Variants in CHST8 observed in about 807,000 individuals in gnomAD.
CHST8 encodes carbohydrate sulfotransferase 8, also known as GALNAC-4-ST1.
In CHST8, 10 loss-of-function variants were observed where a neutral mutation model predicts 15.0. The observed-to-expected ratio is 0.67, with a 90% CI of 0.41 to 1.13. CHST8 has a LOEUF of 1.13. Ranked by LOEUF, CHST8 falls within the 50% of genes most tolerant of loss-of-function variation. The pLI is 0.00. For synonymous variants in CHST8, 259 were observed against 256.6 expected, an observed-to-expected ratio of 1.01 and a Z score of -0.09; for missense variants, 634 against 608.2, an observed-to-expected ratio of 1.04 and a Z score of -0.45.
chr19:33,728,445 G>T (rs1437868601), intron 3 of CHST8, among the ~76,000 whole-genome samples: 1 of 152,240 alleles, frequency 6.6e-6, no homozygotes, highest in African/African-American at 2.4e-5. Context: ...GTCTTTCAGG[G>T]TTGCTGCCAG....
Position 33,643,368 on chromosome 19 carries a change from A to T in CHST8, c.-164+21072A>T, listed in dbSNP as rs111466581. Among the ~76,000 whole-genome samples the T allele has an allele frequency of 8.8e-3, 1,334 of 151,110 alleles. 28 individuals are homozygous for T. The highest frequency in any genetic ancestry group is 0.031 in the African/African-American group (1,270 of 40,646). The stretch of plus-strand genomic sequence containing the variant: ...CATAGCTTAAGAAGGCATAAATAAT[A>T]AAAAAAAGGCTTTTAACAAATCTAC... On this transcript the variant is annotated intron_variant, in intron 1 of 4. Transcript: ENST00000650847.
At chr19:33,676,173 T>G (rs1282725352) in intron 2 of CHST8, among the ~76,000 whole-genome samples, 1 of 152,212 alleles carries the variant, frequency 6.6e-6, no homozygotes, top group African/African-American at 2.4e-5. Context: ...GTGCATTGCT[T>G]GCCAATTTCA....
At position 33,765,053 on chromosome 19, in the gene CHST8, C is replaced by CATATATATATATATATATATATATATAT. The variant is rs72103213; in HGVS notation, c.131-6340_131-6339insATATATATATATATATATATATATATAT. ...TTTTTATGGCTAAGTACTATTCCAT[C>CATATATATATATATATATATATATATAT]ATATATATATATATATATATCAGAG... On this transcript the variant is annotated intron_variant, in intron 3 of 4. Transcript: ENST00000650847. Among the ~76,000 whole-genome samples, 223 of 87,418 alleles carry CATATATATATATATATATATATATATAT rather than the reference C, an allele frequency of 2.6e-3. 7 individuals carry two copies. Among genetic ancestry groups the CATATATATATATATATATATATATATAT allele is most frequent in the African/African-American group, 4.7e-3 (78 of 16,566 alleles). 57.3% of individuals were successfully genotyped at this position (87,418 alleles called of 152,430 possible). A position where few individuals can be genotyped will look rare whatever the true frequency, so the allele number is the denominator to read the frequency against.
intron 1 of CHST8, among the ~76,000 whole-genome samples, chr19:33,626,108 C>T (rs1316776479): frequency 1.3e-5 from 2 of 152,122 alleles, no homozygotes; most frequent in Admixed American, 6.5e-5. Flanking sequence ...GCTCAGGTGC[C>T]AGAGGATGCG....
At chr19:33,674,500 C>T (rs995051496) in intron 2 of CHST8, among the ~76,000 whole-genome samples, 6 of 152,232 alleles carry the variant, frequency 3.9e-5, no homozygotes, top group Non-Finnish European at 7.3e-5. Flanking sequence ...TGCAGCGCAG[C>T]ACTTCTCCTC....
chr19:33,626,561 G>T (rs561893573), intron 1 of CHST8, among the ~76,000 whole-genome samples: 2 of 152,294 alleles, frequency 1.3e-5, no homozygotes, highest in South Asian at 4.1e-4. Context: ...ATGCTATTGT[G>T]AGGCAGGGAG....
intron 1 of CHST8, 53 bp downstream of exon 1, chr19:33,622,349 G>C (rs1354343388): frequency 6.6e-6 from 1 of 152,138 alleles, no homozygotes; most frequent in African/African-American, 2.4e-5. Context: ...GCAGGCTCCT[G>C]GCCTGCAGAG....
intron 2 of CHST8, among the ~76,000 whole-genome samples, chr19:33,672,581 G>A (rs1371454158): frequency 1.3e-5 from 2 of 152,194 alleles, no homozygotes; most frequent in African/African-American, 4.8e-5. Flanking sequence ...ATGTGTTTGC[G>A]ATGGGGGAAG....
At chr19:33,660,780 C>T (rs993615415) in intron 1 of CHST8, among the ~76,000 whole-genome samples, 6 of 152,290 alleles carry the variant, frequency 3.9e-5, no homozygotes, top group South Asian at 2.1e-4. Context: ...CATATAAATA[C>T]GGTTGTCAAC....
At chr19:33,703,765 T>C (rs1432350578) in intron 3 of CHST8, among the ~76,000 whole-genome samples, 4 of 152,248 alleles carry the variant, frequency 2.6e-5, no homozygotes, top group Non-Finnish European at 4.4e-5. Flanking sequence ...TGCCTGCTGA[T>C]GTTTTCATTA....
At chr19:33,667,142 G>A (rs960682903) in intron 1 of CHST8, among the ~76,000 whole-genome samples, 5 of 152,156 alleles carry the variant, frequency 3.3e-5, no homozygotes, top group African/African-American at 1.2e-4. Flanking sequence ...CTTGAAGAAT[G>A]GGGTTTGCAG....
chr19:33,713,137 A>C (rs73926594), intron 3 of CHST8, among the ~76,000 whole-genome samples: 4,748 of 152,182 alleles, frequency 0.031, 243 homozygotes, highest in African/African-American at 0.11. Flanking sequence ...CATCCCTGAC[A>C]CACATGAGGG....
chr19:33,682,190 T>G (rs112519644), intron 2 of CHST8, among the ~76,000 whole-genome samples: 507 of 96,320 alleles, frequency 5.3e-3, no homozygotes, highest in African/African-American at 0.016. Context: ...TGTTGTTGTT[T>G]TTTTTTTTTT....
intron 3 of CHST8, among the ~76,000 whole-genome samples, chr19:33,707,766 A>G (rs4805926): frequency 0.28 from 43,276 of 152,012 alleles, 8,024 homozygotes; most frequent in African/African-American, 0.53. Flanking sequence ...TTCTTGGGTA[A>G]ATATTTAGGA....
At position 33,696,328 on chromosome 19, in the gene CHST8, A is replaced by G. The variant is rs527668534; in HGVS notation, c.130+6937A>G. Reference sequence around the variant, plus strand: ...TTGGTTTTTTAAGGCAGGGGTCTCCAACCCCTGCGTTAGGACCCAGGCCGC... The same window carrying G: ...TTGGTTTTTTAAGGCAGGGGTCTCCGACCCCTGCGTTAGGACCCAGGCCGC... On this transcript the variant is annotated intron_variant, in intron 3 of 4. Coordinates refer to ENST00000650847, the MANE Select transcript of CHST8 (RefSeq NM_001127895.2). Among the ~76,000 whole-genome samples the G allele has an allele frequency of 2.0e-5, 3 of 152,138 alleles. No homozygotes were observed. The East Asian group carries it at 5.8e-4, about 30-fold the overall frequency.
chr19:33,741,094 TAATTGCC>T (rs1974181438), intron 3 of CHST8, among the ~76,000 whole-genome samples: 2 of 152,228 alleles, frequency 1.3e-5, no homozygotes, highest in South Asian at 2.1e-4. Flanking sequence ...TTTGATCAGC[TAATTGCC>T]AATTTTCTGC....
intron 1 of CHST8, among the ~76,000 whole-genome samples, chr19:33,625,272 A>G (rs868134148): frequency 1.3e-5 from 2 of 148,988 alleles, no homozygotes; most frequent in East Asian, 2.0e-4. Context: ...TAGTAGAGAC[A>G]GGGTTTCACC....
At chr19:33,742,633 C>T (rs1260534368) in intron 3 of CHST8, among the ~76,000 whole-genome samples, 3 of 152,226 alleles carry the variant, frequency 2.0e-5, no homozygotes, top group East Asian at 1.9e-4. Flanking sequence ...GGAGACAAAA[C>T]ATCCAAACCA....
intron 1 of CHST8, among the ~76,000 whole-genome samples, chr19:33,666,193 C>A (rs1414811869): frequency 6.6e-6 from 1 of 152,206 alleles, no homozygotes; most frequent in African/African-American, 2.4e-5. Flanking sequence ...GCCCTTCATG[C>A]CCCACAGGAC....
Sources: allele counts gnomAD v4.1 joint callset (sites outside exome capture counted in the v4.1 genomes callset), GRCh38; gene constraint gnomAD v4.1.1; transcripts MANE v1.5; gene names NCBI Gene and HGNC (gene_info 2026-07-23, HGNC 2026-07-21).